The following ZNF607 variants were observed in gnomAD, a reference collection of about 807,000 sequenced individuals.
The protein encoded by ZNF607 is zinc finger protein 607.
Under a neutral mutation model 12.8 loss-of-function variants are expected in ZNF607, and 5 were observed. That is an observed-to-expected ratio of 0.39 (90% confidence interval 0.20 to 0.82). The LOEUF (loss-of-function observed/expected upper bound fraction) is 0.82. Among genes scored for constraint, ZNF607 ranks in the 40% least tolerant of loss-of-function variants. ZNF607 has a pLI of 0.39. For missense variants in ZNF607, 851 were observed against 859.2 expected (o/e 0.99, Z 0.12); for synonymous variants, 287 against 276.2 (o/e 1.04, Z -0.39).
Position 37,699,476 on chromosome 19 carries a change from G to T in ZNF607, c.655C>A (p.His219Asn). 1 of 1,613,868 alleles carries T rather than the reference G, an allele frequency of 6.2e-7. No individual in the cohort carries two copies. The highest frequency in any genetic ancestry group is 8.5e-7 in the Non-Finnish European group (1 of 1,179,886). The change falls in exon 5 of 5, where the codon CAT becomes AAT. Residue 219 changes from histidine (H) to asparagine (N), a missense_variant. Physicochemically the swap from His to Asn is moderately conservative, Grantham distance 68. Transcript: ENST00000355202. ...SRQLTVHHRF[H>N]YGEKPYECKE... Reference sequence around the variant, plus strand: ...CATTCGTAGGGTTTCTCACCATAATGAAATCTATGATGTACAGTAAGTTGA... The same window carrying T: ...CATTCGTAGGGTTTCTCACCATAATTAAATCTATGATGTACAGTAAGTTGA...
At chr19:37,719,188 T>G (rs529341420) in intron 1 of ZNF607, 81 bp downstream of exon 1, 2 of 153,274 alleles carry the variant, frequency 1.3e-5, no homozygotes, top group African/African-American at 4.8e-5. Flanking sequence ...CAAGGGTCAA[T>G]AGACCCCACA....
Position 37,698,507 on chromosome 19 carries a change from A to C in ZNF607, c.1624T>G (p.Phe542Val). The change falls in exon 5 of 5, where the codon TTT becomes GTT. Residue 542 changes from phenylalanine to valine, a missense_variant. Physicochemically the swap from Phe to Val is conservative, Grantham distance 50 (BLOSUM62 -1). Transcript: ENST00000355202. ...PFECNKCGKS[F>V]RFISVLKAHQ... ...GCTTTAAGTACAGAAATGAACCTAA[A>C]AGACTTCCCGCATTTGTTGCATTCA... 1 of 1,611,902 alleles carries C rather than the reference A, an allele frequency of 6.2e-7. No homozygotes were observed. Among genetic ancestry groups the C allele is most frequent in the Non-Finnish European group, 8.5e-7 (1 of 1,178,190 alleles).
At chr19:37,700,343 T>C (rs2045028984) in intron 4 of ZNF607, among the ~76,000 whole-genome samples, 1 of 152,128 alleles carries the variant, frequency 6.6e-6, no homozygotes, top group Non-Finnish European at 1.5e-5. Context: ...TCCAGCAGAT[T>C]GAACATCTGT....
At chr19:37,707,320 T>C (rs910012027) in intron 4 of ZNF607, among the ~76,000 whole-genome samples, 12 of 152,006 alleles carry the variant, frequency 7.9e-5, no homozygotes, top group African/African-American at 2.9e-4. Flanking sequence ...AGTGAGACCC[T>C]GTCTCTACAA....
intron 3 of ZNF607, among the ~76,000 whole-genome samples, chr19:37,708,813 A>C: frequency 7.0e-6 from 1 of 143,136 alleles, no homozygotes; most frequent in African/African-American, 2.6e-5. Context: ...GCACCACAGC[A>C]CTCCAGCCTG....
Position 37,698,230 on chromosome 19 carries a change from C to T in ZNF607, c.1901G>A (p.Arg634Lys). 1 of 1,614,140 alleles carries T rather than the reference C, an allele frequency of 6.2e-7. No homozygotes were observed. The highest frequency in any genetic ancestry group is 8.5e-7 in the Non-Finnish European group (1 of 1,180,028). Residue 634 changes from arginine to lysine, a missense_variant, in exon 5 of 5, where the codon AGA becomes AAA. Coordinates refer to ENST00000355202, the MANE Select transcript of ZNF607 (RefSeq NM_032689.5). ...KAFHCASYLV[R>K]HESVHADGNP... ...TCCATCAGCATGAACGCTTTCATGT[C>T]TAACAAGATATGAGGCACAGTGAAA...
chr19:37,717,806 CAAAAAAAAAA>C (rs57152044), intron 1 of ZNF607, among the ~76,000 whole-genome samples: 4 of 67,096 alleles, frequency 6.0e-5, no homozygotes, highest in South Asian at 6.4e-4. Context: ...AACTCAGTCT[CAAAAAAAAAA>C]AAAAAAAAAA....
chr19:37,718,743 AG>A (rs990117242), intron 1 of ZNF607, among the ~76,000 whole-genome samples: 42 of 152,318 alleles, frequency 2.8e-4, no homozygotes, highest in African/African-American at 9.9e-4. Context: ...CTCTCTCTCC[AG>A]AAATAATCCT....
chr19:37,714,244 C>G (rs895917436), intron 1 of ZNF607, among the ~76,000 whole-genome samples: 1 of 151,470 alleles, frequency 6.6e-6, no homozygotes, highest in East Asian at 1.9e-4. Flanking sequence ...ATGGCGTGAA[C>G]CCAGGAGGCG....
At chr19:37,701,505 T>C (rs1029464636) in intron 4 of ZNF607, among the ~76,000 whole-genome samples, 14 of 152,276 alleles carry the variant, frequency 9.2e-5, no homozygotes, top group Admixed American at 7.8e-4. Context: ...GTTTAGCCTG[T>C]GCGGTCTAAC....
chr19:37,702,812 T>C (rs1473329395), intron 4 of ZNF607, among the ~76,000 whole-genome samples: 1 of 152,188 alleles, frequency 6.6e-6, no homozygotes, highest in Non-Finnish European at 1.5e-5. Flanking sequence ...TTTATACATT[T>C]GTTGAGAAAG....
chr19:37,717,206 G>T (rs1368313382), intron 1 of ZNF607, among the ~76,000 whole-genome samples: 1 of 152,016 alleles, frequency 6.6e-6, no homozygotes, highest in Non-Finnish European at 1.5e-5. Flanking sequence ...ATTTTTTTGA[G>T]ACGGAGTCTC....
Position 37,698,078 on chromosome 19 carries a change from T to C in ZNF607, c.2053A>G (p.Arg685Gly). 6.2e-7 allele frequency: 1 copy of C among 1,611,604 alleles called. No individual in the cohort carries two copies. The highest frequency in any genetic ancestry group is 1.7e-5 in the Admixed American group (1 of 59,726). The change falls in exon 5 of 5, where the codon AGA becomes GGA. Residue 685 changes from arginine to glycine, a missense_variant. Arg to Gly is a moderately radical substitution (Grantham distance 125). Transcript: ENST00000355202. ...CTCTGATGTACTTCAAGGATGGATC[T>C]AAGCCTAAAGGACCTTCTGCATTTG... ...CNKCRRSFRL[R>G]SILEVHQRIH... is the part of the protein sequence containing the mutation.
Position 37,698,195 on chromosome 19 carries a change from T to C in ZNF607, c.1936A>G (p.Met646Val), listed in dbSNP as rs767846831. The part of the protein sequence containing the change: ...ESVHADGNPY[M>V]CEECGKAFNS... ...AAAGCTTTCCCACACTCTTCACACATATAGGGATTTCCATCAGCATGAACG... is the reference window on the plus strand; with the variant it reads ...AAAGCTTTCCCACACTCTTCACACACATAGGGATTTCCATCAGCATGAACG... The change falls in exon 5 of 5, where the codon ATG (methionine) becomes GTG (valine). Residue 646 changes from methionine (M) to valine (V), a missense_variant. Physicochemically the swap from Met to Val is conservative, Grantham distance 21. Coordinates refer to ENST00000355202, the MANE Select transcript of ZNF607 (RefSeq NM_032689.5). 5 of 1,614,034 alleles carry C rather than the reference T, an allele frequency of 3.1e-6. No individual in the cohort carries two copies. The highest frequency in any genetic ancestry group is 1.3e-5 in the African/African-American group (1 of 75,002).
At position 37,697,376 on chromosome 19, in the gene ZNF607, G is replaced by C; in HGVS notation, c.*664C>G. On this transcript the variant is annotated 3_prime_UTR_variant, in exon 5 of 5. Coordinates refer to ENST00000355202, the MANE Select transcript of ZNF607 (RefSeq NM_032689.5). ...CAGCTAAGGCCAGGCCAAACTTGCC[G>C]ATGGACTCAAACACTTTGGCAGCCA... The C allele has an allele frequency of 6.6e-7, 1 of 1,516,230 alleles. No individual in the cohort carries two copies. Among genetic ancestry groups the C allele is most frequent in the South Asian group, 1.1e-5 (1 of 88,882 alleles). 93.9% of individuals were successfully genotyped at this position (1,516,230 alleles called of 1,614,324 possible).
chr19:37,708,226 C>T (rs10424047), intron 3 of ZNF607, among the ~76,000 whole-genome samples: 11 of 148,830 alleles, frequency 7.4e-5, no homozygotes, highest in Non-Finnish European at 1.2e-4. Context: ...GACGGAGTCT[C>T]GCTCTGTCAC....
chr19:37,707,702 A>T (rs2045097189), intron 4 of ZNF607, among the ~76,000 whole-genome samples: 1 of 152,124 alleles, frequency 6.6e-6, no homozygotes, highest in Admixed American at 6.5e-5. Context: ...GGCCTCCCAA[A>T]GCGCTGGGAT....
chr19:37,704,888 T>C (rs1289961794), intron 4 of ZNF607, among the ~76,000 whole-genome samples: 2 of 152,008 alleles, frequency 1.3e-5, no homozygotes, highest in African/African-American at 4.8e-5. Context: ...GAGGTGGAGC[T>C]TGCAGTGAGC....
At chr19:37,717,840 A>G (rs2045191546) in intron 1 of ZNF607, among the ~76,000 whole-genome samples, 1 of 151,140 alleles carries the variant, frequency 6.6e-6, no homozygotes, top group African/African-American at 2.4e-5. Context: ...AGAAAGAAAA[A>G]GAGTTGCATA....
Sources: gnomAD v4.1 joint callset for allele counts (sites outside exome capture counted in the v4.1 genomes callset) on GRCh38, gnomAD v4.1.1 for gene constraint, MANE v1.5 for transcripts, NCBI Gene and HGNC (gene_info 2026-07-23, HGNC 2026-07-21) for gene names.